The following EYA1 variants were observed in gnomAD, a reference collection of about 807,000 sequenced individuals.
EYA1 encodes the protein EYA transcriptional coactivator and phosphatase 1, also known as protein phosphatase EYA1.
EYA1 carries 16 observed loss-of-function variants against 82.0 expected under a neutral mutation model. The ratio of observed to expected loss-of-function variants is 0.20; its 90% CI spans 0.13 to 0.30. The LOEUF (loss-of-function observed/expected upper bound fraction) is 0.30, where lower values mean the gene tolerates loss of function less well. Ranked by LOEUF, EYA1 falls within the 10% of genes least tolerant of loss-of-function variation. The probability of loss-of-function intolerance (pLI) is 1.00; values close to 1 mark genes in which losing one functional copy is unlikely to be tolerated. For synonymous variants in EYA1, 261 were observed against 264.4 expected (o/e 0.99, Z 0.12); for missense variants, 633 against 730.7 (o/e 0.87, Z 1.54).
intron 1 of EYA1, among the ~76,000 whole-genome samples, chr8:71,538,549 A>G (rs2129289847): frequency 6.6e-6 from 1 of 152,340 alleles, no homozygotes; most frequent in East Asian, 1.9e-4. Context: ...GGCTTAAGCA[A>G]AACTGGTGAC....
At chr8:71,483,066 G>A (rs1358437456) in intron 2 of EYA1, among the ~76,000 whole-genome samples, 1 of 152,210 alleles carries the variant, frequency 6.6e-6, no homozygotes, top group Non-Finnish European at 1.5e-5. Context: ...TCAAGCCCAT[G>A]AGTGGCTCCC....
At chr8:71,271,021 G>A (rs1383534500) in intron 10 of EYA1, among the ~76,000 whole-genome samples, 1 of 152,152 alleles carries the variant, frequency 6.6e-6, no homozygotes, top group Non-Finnish European at 1.5e-5. Flanking sequence ...TGGGGCAGAA[G>A]AATCGCTTGA....
In EYA1 at chr8:71,199,332, G is replaced by A. The variant is rs755350943; in HGVS notation, c.*8C>T. 48 of 1,599,358 alleles carry A rather than the reference G, an allele frequency of 3.0e-5. 1 individual carries two copies. Among genetic ancestry groups the A allele is most frequent in the Middle Eastern group, 3.3e-4 (2 of 6,032 alleles). ...AGCAGCTGTGCGCTGTCAAAGTGCCGAGCGCTGTTACAGGTACTCCAGTTC... is the reference window on the plus strand; with the variant it reads ...AGCAGCTGTGCGCTGTCAAAGTGCCAAGCGCTGTTACAGGTACTCCAGTTC... On this transcript the variant is annotated 3_prime_UTR_variant, in exon 18 of 18. Transcript: ENST00000340726.
At chr8:71,280,018 C>T (rs532030516) in intron 9 of EYA1, among the ~76,000 whole-genome samples, 7 of 152,272 alleles carry the variant, frequency 4.6e-5, no homozygotes, top group South Asian at 2.1e-4. Context: ...CTATGAATTC[C>T]GCTTGGTTTG....
chr8:71,200,688 A>G (rs925758496), intron 17 of EYA1, among the ~76,000 whole-genome samples: 1 of 152,132 alleles, frequency 6.6e-6, no homozygotes, highest in African/African-American at 2.4e-5. Flanking sequence ...ATTCATACAG[A>G]GCACACTGTG....
chr8:71,273,253 C>T (rs1272130398), intron 9 of EYA1, among the ~76,000 whole-genome samples: 1 of 152,238 alleles, frequency 6.6e-6, no homozygotes, highest in Non-Finnish European at 1.5e-5. Flanking sequence ...ATGTGATTCT[C>T]ACACCCAGAA....
At chr8:71,388,047 A>T (rs1046217379) in intron 2 of EYA1, among the ~76,000 whole-genome samples, 3 of 152,186 alleles carry the variant, frequency 2.0e-5, no homozygotes, top group Admixed American at 6.5e-5. Flanking sequence ...CTATAATCTC[A>T]TAAGTTAATT....
At chr8:71,432,643 G>A (rs1274919515) in intron 2 of EYA1, among the ~76,000 whole-genome samples, 2 of 152,102 alleles carry the variant, frequency 1.3e-5, no homozygotes, top group African/African-American at 4.8e-5. Context: ...AGTTATATTG[G>A]ATCAGGACTT....
rs964998561 is a variant in EYA1 at position 71,410,321 on chromosome 8, G to C, written c.34-53810C>G. ...GCATTCCCTTTGAAAACTGGCACAA[G>C]ACATGGATGCCCTCTCTCACCACTC... On this transcript the variant is annotated intron_variant, in intron 2 of 18. Coordinates refer to the EYA1 transcript ENST00000643681. Among the ~76,000 whole-genome samples, 202 of 126,212 alleles carry C rather than the reference G, an allele frequency of 1.6e-3. 1 individual carries two copies. Among genetic ancestry groups the C allele is most frequent in the African/African-American group, 5.9e-3 (199 of 33,514 alleles). 82.8% of individuals were successfully genotyped at this position (126,212 alleles called of 152,430 possible).
At chr8:71,234,917 A>AC (rs1383495635) in intron 12 of EYA1, among the ~76,000 whole-genome samples, 2 of 151,360 alleles carry the variant, frequency 1.3e-5, no homozygotes, top group East Asian at 3.9e-4. Flanking sequence ...CTCCCCAGCC[A>AC]CCCCCCAAAC....
intron 1 of EYA1, among the ~76,000 whole-genome samples, chr8:71,357,950 C>T (rs1411408164): frequency 6.6e-6 from 1 of 151,546 alleles, no homozygotes; most frequent in African/African-American, 2.4e-5. Context: ...CAGCAATATA[C>T]CTCAAGGATA....
chr8:71,201,426 A>C (rs1171939136), intron 17 of EYA1, among the ~76,000 whole-genome samples: 1 of 151,840 alleles, frequency 6.6e-6, no homozygotes. Context: ...CACAGGTTCA[A>C]ACTAACTCTC....
At chr8:71,445,416 G>A (rs75796964) in intron 2 of EYA1, among the ~76,000 whole-genome samples, 10,917 of 152,036 alleles carry the variant, frequency 0.072, 1,320 homozygotes, top group African/African-American at 0.25. Flanking sequence ...AAAAACTATC[G>A]GTTAAGTAAA....
intron 2 of EYA1, among the ~76,000 whole-genome samples, chr8:71,518,801 A>G (rs928966537): frequency 9.2e-5 from 14 of 152,286 alleles, no homozygotes; most frequent in African/African-American, 3.1e-4. Context: ...CGGGGTTGAC[A>G]TGTTTGTGGC....
At chr8:71,363,129 AG>A (rs1827533677), upstream of EYA1, among the ~76,000 whole-genome samples, 1 of 151,560 alleles carries the variant, frequency 6.6e-6, no homozygotes, top group Non-Finnish European at 1.5e-5. Context: ...TCTGCTGATT[AG>A]GTCTTTTATT....
chr8:71,268,243 C>T (rs373724333), intron 11 of EYA1, among the ~76,000 whole-genome samples: 1 of 152,144 alleles, frequency 6.6e-6, no homozygotes. Context: ...TTTTCAAATG[C>T]TCATTTTCTA....
chr8:71,316,088 A>C (rs564178793), intron 7 of EYA1, among the ~76,000 whole-genome samples: 4 of 152,278 alleles, frequency 2.6e-5, no homozygotes, highest in Admixed American at 2.6e-4. Context: ...CAACCACTGA[A>C]GAGAAGAAAA....
Position 71,354,782 on chromosome 8 carries a change from C to T in EYA1, c.124G>A (p.Val42Ile). Residue 42 changes from valine (V) to isoleucine (I), a missense_variant and splice_region_variant, in exon 3 of 18, where the codon GTT becomes ATT. By Grantham distance (29) the Val-to-Ile change is conservative. Coordinates refer to ENST00000340726, the MANE Select transcript of EYA1 (RefSeq NM_000503.6). Reference protein sequence around the residue: ...SNSMTPNGTEVKTEPMSSSET... With the variant: ...SNSMTPNGTEIKTEPMSSSET... ...AAATAGTGAGAAGGCAGACACTCAC[C>T]TTCGGTGCCATTGGGAGTCATGGAA... 3.7e-6 allele frequency: 6 copies of T among 1,612,990 alleles called. No homozygotes were observed. The highest frequency in any genetic ancestry group is 5.1e-6 in the Non-Finnish European group (6 of 1,179,236).
intron 11 of EYA1, among the ~76,000 whole-genome samples, chr8:71,269,124 G>A (rs2128946961): frequency 6.6e-6 from 1 of 152,290 alleles, no homozygotes; most frequent in East Asian, 1.9e-4. Context: ...ATACCCAAAT[G>A]TACAACATGG....
Sources: gnomAD v4.1 joint callset for allele counts (sites outside exome capture counted in the v4.1 genomes callset) on GRCh38, gnomAD v4.1.1 for gene constraint, MANE v1.5 for transcripts, NCBI Gene and HGNC (gene_info 2026-07-23, HGNC 2026-07-21) for gene names.